The following EPHB2 variants were observed in gnomAD, a reference collection of about 807,000 sequenced individuals.
The protein encoded by EPHB2 is EPH receptor B2.
A neutral mutation model predicts 96.4 loss-of-function variants in EPHB2; 18 were observed. The ratio of observed to expected loss-of-function variants is 0.19; its 90% confidence interval spans 0.13 to 0.28. The LOEUF is 0.28. Among genes scored for constraint, EPHB2 ranks in the 10% least tolerant of loss-of-function variants. EPHB2 has a pLI of 1.00. For missense variants in EPHB2, 989 were observed against 1,355.4 expected (o/e 0.73, Z 4.25); for synonymous variants, 506 against 534.1 (o/e 0.95, Z 0.72).
In EPHB2 at chr1:22,908,963, G is replaced by A; in HGVS notation, c.2353-59G>A. ...ACAGGGCACAGGGTGGGAGGATTAA[G>A]AGAAGAGGTCAGACAGGCCAGCCTC... On this transcript the variant is annotated intron_variant, in intron 12 of 15. Coordinates refer to ENST00000374630, the MANE Select transcript of EPHB2 (RefSeq NM_017449.5). The A allele has an allele frequency of 3.1e-6, 5 of 1,608,638 alleles. No homozygotes were observed. In the South Asian group the frequency reaches 5.5e-5, roughly 18 times the overall value.
rs79454490 is a variant in EPHB2, at chr1:22,804,245, G to A, written c.811+19169G>A. Among the ~76,000 whole-genome samples the A allele has an allele frequency of 7.5e-3, 1,140 of 152,274 alleles. 15 individuals carry two copies. Among genetic ancestry groups the A allele is most frequent in the African/African-American group, 0.026 (1,097 of 41,542 alleles). On this transcript the variant is annotated intron_variant, in intron 3 of 15. Transcript: ENST00000374630. ...TGGTTTGGTCCTCCTGCCCAGCACT[G>A]TGCCTGCCACACAGGAGGTGCTTAG...
chr1:22,816,837 G>A (rs1645081985), intron 3 of EPHB2, among the ~76,000 whole-genome samples: 1 of 152,226 alleles, frequency 6.6e-6, no homozygotes, highest in Admixed American at 6.5e-5. Flanking sequence ...GTCACCCTGG[G>A]GGAGATGGGG....
chr1:22,752,039 G>C (rs1268036988), intron 1 of EPHB2, among the ~76,000 whole-genome samples: 3 of 152,184 alleles, frequency 2.0e-5, no homozygotes, highest in African/African-American at 7.2e-5. Context: ...GCCTTGGGTT[G>C]GTCATTTCTC....
At chr1:22,778,292 T>C (rs1364520418) in intron 1 of EPHB2, among the ~76,000 whole-genome samples, 1 of 152,182 alleles carries the variant, frequency 6.6e-6, no homozygotes, top group Non-Finnish European at 1.5e-5. Context: ...GGTCCATTTG[T>C]AATAGTCTGT....
chr1:22,803,490 C>T (rs1449492818), intron 3 of EPHB2, among the ~76,000 whole-genome samples: 1 of 151,470 alleles, frequency 6.6e-6, no homozygotes, highest in African/African-American at 2.4e-5. Flanking sequence ...ACTTGTAGTC[C>T]CAGCTACTAG....
chr1:22,912,425 C>T lies in EPHB2; in HGVS notation c.2697-19C>T, dbSNP rs1422858314. ...AAACAGGTGCCCTGACCATCTCTGT[C>T]GCCCACCCCCAACCCCAGCATCAAC... is the stretch of plus-strand genomic sequence containing the variant. On this transcript the variant is annotated intron_variant, in intron 14 of 15. Transcript: ENST00000374630. 2.5e-6 allele frequency: 4 copies of T among 1,613,686 alleles called. No homozygotes were observed. Among genetic ancestry groups the T allele is most frequent in the East Asian group, 2.2e-5 (1 of 44,858 alleles).
intron 1 of EPHB2, among the ~76,000 whole-genome samples, chr1:22,752,697 T>C (rs933820127): frequency 3.3e-5 from 5 of 151,076 alleles, no homozygotes; most frequent in Admixed American, 6.6e-5. Flanking sequence ...TGCATGTAAA[T>C]ACATTTTTAA....
chr1:22,805,593 G>C (rs577640537), intron 3 of EPHB2, among the ~76,000 whole-genome samples: 1 of 152,308 alleles, frequency 6.6e-6, no homozygotes, highest in East Asian at 1.9e-4. Context: ...GAGGGGATCA[G>C]AGACTGTGAG....
intron 3 of EPHB2, among the ~76,000 whole-genome samples, chr1:22,849,868 A>T (rs189252777): frequency 1.3e-5 from 2 of 152,322 alleles, no homozygotes; most frequent in East Asian, 3.9e-4. Context: ...ACCCACACTG[A>T]AAAAGTTCAC....
At chr1:22,825,348 C>T (rs1486520962) in intron 3 of EPHB2, among the ~76,000 whole-genome samples, 3 of 152,228 alleles carry the variant, frequency 2.0e-5, no homozygotes, top group Non-Finnish European at 4.4e-5. Context: ...GATCTGCATA[C>T]ACACCTAACT....
At chr1:22,882,580 C>A in intron 6 of EPHB2, 97 bp downstream of exon 6, 4 of 1,573,326 alleles carry the variant, frequency 2.5e-6, no homozygotes, top group Non-Finnish European at 2.6e-6. Flanking sequence ...CAAGATGAGA[C>A]GCACTGGTGC....
intron 6 of EPHB2, among the ~76,000 whole-genome samples, chr1:22,889,866 T>C (rs1398362183): frequency 6.6e-6 from 1 of 152,244 alleles, no homozygotes; most frequent in Non-Finnish European, 1.5e-5. Context: ...AGTACAAATA[T>C]GTCCCAAATA....
At chr1:22,720,660 T>TCCCCCCCCCCCCCCCCCC (rs916713865) in intron 1 of EPHB2, among the ~76,000 whole-genome samples, 1 of 57,380 alleles carries the variant, frequency 1.7e-5, no homozygotes, top group Admixed American at 2.6e-4. Flanking sequence ...GAAATCTCAT[T>TCCCCCCCCCCCCCCCCCC]CCCCCCCCCC....
chr1:22,803,239 G>A (rs968742059), intron 3 of EPHB2, among the ~76,000 whole-genome samples: 19 of 152,142 alleles, frequency 1.2e-4, no homozygotes, highest in East Asian at 3.9e-4. Context: ...CCTCCCACCC[G>A]CTGCCCTAGT....
rs531457456 is a variant in EPHB2 at position 22,809,032 on chromosome 1, C to T, written c.811+23956C>T. Among the ~76,000 whole-genome samples, 164 of 152,322 alleles carry T rather than the reference C, an allele frequency of 1.1e-3. 1 individual carries two copies. Among genetic ancestry groups the T allele is most frequent in the African/African-American group, 3.8e-3 (158 of 41,574 alleles). Reference sequence around the variant, plus strand: ...ACAGCTGAGTCAGAGCTGGTGGGGCCGGGCCAGGCCTGGGATCCATCTGCC... The same window carrying T: ...ACAGCTGAGTCAGAGCTGGTGGGGCTGGGCCAGGCCTGGGATCCATCTGCC... On this transcript the variant is annotated intron_variant, in intron 3 of 15. Coordinates refer to ENST00000374630, the MANE Select transcript of EPHB2 (RefSeq NM_017449.5).
chr1:22,836,129 G>C (rs1385124994), intron 3 of EPHB2: 1 of 152,254 alleles, frequency 6.6e-6, no homozygotes, highest in Non-Finnish European at 1.5e-5. Flanking sequence ...CCACAGAGCA[G>C]CCTCTCCAGA....
In EPHB2 at chr1:22,918,001, T is replaced by C. The variant is rs1640311229; in HGVS notation, c.*4431T>C. On this transcript the variant is annotated 3_prime_UTR_variant, in exon 16 of 16. Transcript: ENST00000374630. This position sits in a 1 kb window ranked among gnomAD's most constrained non-coding sequence, Gnocchi z 4.2. The stretch of plus-strand genomic sequence containing the variant: ...GGAACGGGGGAAGTGAAGGTTGATA[T>C]AAGTGGAGGTTGAGGCAGTTTAGGC... 1 of 152,322 alleles carries C rather than the reference T, an allele frequency of 6.6e-6. No homozygotes were observed. Among genetic ancestry groups the C allele is most frequent in the South Asian group, 2.1e-4 (1 of 4,826 alleles). The allele number at this position is 152,322 out of a possible 1,614,324, so 9.4% of individuals were successfully genotyped here. A position where few individuals can be genotyped will look rare whatever the true frequency, so the allele number is the denominator to read the frequency against.
chr1:22,871,877 A>G (rs575569085), intron 5 of EPHB2, among the ~76,000 whole-genome samples: 45 of 152,226 alleles, frequency 3.0e-4, no homozygotes, highest in Non-Finnish European at 4.1e-4. Context: ...TTAGCTGGGC[A>G]TGGTGGCGCA....
At chr1:22,835,136 T>A (rs1645361235) in intron 3 of EPHB2, among the ~76,000 whole-genome samples, 1 of 152,066 alleles carries the variant, frequency 6.6e-6, no homozygotes, top group Non-Finnish European at 1.5e-5. Flanking sequence ...CCCAGCACTT[T>A]GGGAGGCCAA....
Sources: allele counts gnomAD v4.1 joint callset (sites outside exome capture counted in the v4.1 genomes callset), GRCh38; gene constraint gnomAD v4.1.1; non-coding constraint Gnocchi (gnomAD v3.1); transcripts MANE v1.5; gene names NCBI Gene and HGNC (gene_info 2026-07-23, HGNC 2026-07-21).